The following METTL24 variants were observed in gnomAD, a reference collection of about 807,000 sequenced individuals.
METTL24 encodes methyltransferase like 24.
In METTL24, 29 loss-of-function variants were observed where a neutral mutation model predicts 32.7. The ratio of observed to expected loss-of-function variants is 0.89; its 90% CI spans 0.66 to 1.21. The LOEUF is 1.21. Among genes scored for constraint, METTL24 ranks in the 50% most tolerant of loss-of-function variants. METTL24 has a pLI of 0.00. For synonymous variants in METTL24, 163 were observed against 179.5 expected, an observed-to-expected ratio of 0.91 and a Z score of 0.73; for missense variants, 439 against 468.1, an observed-to-expected ratio of 0.94 and a Z score of 0.57.
chr6:110,264,191 A>G (rs1350794201), intron 4 of METTL24, among the ~76,000 whole-genome samples: 1 of 152,026 alleles, frequency 6.6e-6, no homozygotes, highest in Non-Finnish European at 1.5e-5. Flanking sequence ...GGCAACCCAC[A>G]GAATGGGAGA....
At chr6:110,354,971 A>G (rs140743198) in intron 1 of METTL24, among the ~76,000 whole-genome samples, 116 of 152,346 alleles carry the variant, frequency 7.6e-4, no homozygotes, top group African/African-American at 2.7e-3. Context: ...TTAACCAAAG[A>G]CATTTACAGT....
At chr6:110,258,750 C>T (rs960119098) in intron 4 of METTL24, among the ~76,000 whole-genome samples, 2 of 151,438 alleles carry the variant, frequency 1.3e-5, no homozygotes, top group South Asian at 2.1e-4. Context: ...GATTCCACAT[C>T]CCAAACATCA....
chr6:110,317,092 G>A (rs1771834588), intron 2 of METTL24, among the ~76,000 whole-genome samples: 2 of 152,152 alleles, frequency 1.3e-5, no homozygotes, highest in African/African-American at 4.8e-5. Context: ...ATCAGTGAAT[G>A]TTAAGTCTTC....
rs560430880 is a variant in METTL24 at position 110,280,816 on chromosome 6, C to A, written c.786+18106G>T. On this transcript the variant is annotated intron_variant, in intron 4 of 4. Transcript: ENST00000338882. ...GCAGGCCTGTGCCACCACACCCAAC[C>A]AATGTTTCAATTTTTTTGTTGAAAC... Among the ~76,000 whole-genome samples the A allele has an allele frequency of 2.0e-5, 3 of 152,184 alleles. No individual in the cohort carries two copies. The South Asian group carries it at 6.2e-4, about 32-fold the overall frequency.
chr6:110,349,684 T>C (rs1772555082), intron 1 of METTL24, among the ~76,000 whole-genome samples: 4 of 152,216 alleles, frequency 2.6e-5, no homozygotes, highest in Admixed American at 2.6e-4. Flanking sequence ...CAGCCCATAG[T>C]TCACTTGGGC....
chr6:110,348,840 C>A (rs568079393), intron 1 of METTL24, among the ~76,000 whole-genome samples: 1 of 152,220 alleles, frequency 6.6e-6, no homozygotes, highest in African/African-American at 2.4e-5. Flanking sequence ...GACCAGCAGA[C>A]CATCATCCCA....
At chr6:110,327,474 T>C (rs1772036482) in intron 1 of METTL24, among the ~76,000 whole-genome samples, 2 of 152,214 alleles carry the variant, frequency 1.3e-5, no homozygotes, top group African/African-American at 4.8e-5. Flanking sequence ...TGAATAATGT[T>C]AAGTTGAGGA....
At chr6:110,254,385 ACTTTGGG>A (rs1778342990) in intron 4 of METTL24, 1 of 152,324 alleles carries the variant, frequency 6.6e-6, no homozygotes, top group African/African-American at 2.4e-5. Flanking sequence ...TAATCCCAGC[ACTTTGGG>A]AGGCTGAGGC....
chr6:110,322,645 C>A (rs1040969914), intron 2 of METTL24, 129 bp downstream of exon 2: 5 of 658,744 alleles, frequency 7.6e-6, no homozygotes, highest in African/African-American at 1.8e-5. Context: ...AGCAACAATG[C>A]CTCTGAACAC....
intron 1 of METTL24, among the ~76,000 whole-genome samples, chr6:110,348,169 C>G (rs79155962): frequency 0.013 from 2,003 of 152,284 alleles, 43 homozygotes; most frequent in African/African-American, 0.046. Context: ...GGTGCTTTCA[C>G]CTTCCTGCTC....
rs1772389584 is a variant in METTL24, at chr6:110,342,964, T to C, written c.318+14991A>G. 1.3e-5 allele frequency among the ~76,000 whole-genome samples: 2 copies of C among 152,228 alleles called. 1 individual carries two copies. The highest frequency in any genetic ancestry group is 1.3e-4 in the Admixed American group (2 of 15,284). On this transcript the variant is annotated intron_variant, in intron 1 of 4. Coordinates refer to ENST00000338882, the MANE Select transcript of METTL24 (RefSeq NM_001123364.3). The stretch of plus-strand genomic sequence containing the variant: ...TACCCATTCGTCAGCTGATAGACAT[T>C]TGGATGGTTTCCAACTTTTGGCTAC...
At chr6:110,334,003 C>A (rs1242318787) in intron 1 of METTL24, among the ~76,000 whole-genome samples, 1 of 150,798 alleles carries the variant, frequency 6.6e-6, no homozygotes, top group African/African-American at 2.4e-5. Context: ...ATTCTATTTT[C>A]ATTTTAGAGT....
At chr6:110,317,386 C>A (rs1274119722) in intron 2 of METTL24, among the ~76,000 whole-genome samples, 1 of 152,178 alleles carries the variant, frequency 6.6e-6, no homozygotes, top group Non-Finnish European at 1.5e-5. Flanking sequence ...CACCCACTCA[C>A]CTAAGGGAAG....
At chr6:110,318,545 T>C (rs1484818659) in intron 2 of METTL24, among the ~76,000 whole-genome samples, 2 of 149,018 alleles carry the variant, frequency 1.3e-5, no homozygotes, top group Non-Finnish European at 1.5e-5. Context: ...TCCCAGCTAC[T>C]AGGGAGGCTG....
At position 110,294,815 on chromosome 6, in the gene METTL24, T is replaced by C. The variant is rs948685799; in HGVS notation, c.786+4107A>G. On this transcript the variant is annotated intron_variant, in intron 4 of 4. Coordinates refer to ENST00000338882, the MANE Select transcript of METTL24 (RefSeq NM_001123364.3). ...AAAAAATATTTCTAGGAATAAAAAC[T>C]GACACACCATATACACATGGTCAAA... Among the ~76,000 whole-genome samples, 4 of 152,164 alleles carry C rather than the reference T, an allele frequency of 2.6e-5. No homozygotes were observed. In the South Asian group the frequency reaches 8.3e-4, roughly 32 times the overall value.
At chr6:110,256,391 T>C (rs556966158) in intron 4 of METTL24, among the ~76,000 whole-genome samples, 1 of 152,268 alleles carries the variant, frequency 6.6e-6, no homozygotes, top group South Asian at 2.1e-4. Context: ...CAGAGTCAAC[T>C]TGATGTCCTC....
chr6:110,300,408 T>C (rs1173996335), intron 3 of METTL24, among the ~76,000 whole-genome samples: 4 of 145,284 alleles, frequency 2.8e-5, no homozygotes, highest in African/African-American at 1.0e-4. Flanking sequence ...TCAGAGATCA[T>C]CCACCGAGAC....
At chr6:110,326,879 C>T (rs1772025952) in intron 1 of METTL24, among the ~76,000 whole-genome samples, 1 of 152,278 alleles carries the variant, frequency 6.6e-6, no homozygotes, top group African/African-American at 2.4e-5. Flanking sequence ...TGCAGGTCAG[C>T]CTCCCGGGGT....
chr6:110,301,517 A>T (rs1562230395), intron 3 of METTL24, among the ~76,000 whole-genome samples: 1 of 152,198 alleles, frequency 6.6e-6, no homozygotes. Flanking sequence ...TTACACTGTC[A>T]TCATGATAAA....
Sources: gnomAD v4.1 joint callset for allele counts (sites outside exome capture counted in the v4.1 genomes callset) on GRCh38, gnomAD v4.1.1 for gene constraint, MANE v1.5 for transcripts, NCBI Gene and HGNC (gene_info 2026-07-23, HGNC 2026-07-21) for gene names.